The following PRKN variants were observed in gnomAD, a reference collection of about 807,000 sequenced individuals.
PRKN encodes the protein E3 ubiquitin-protein ligase parkin.
A neutral mutation model predicts 59.5 loss-of-function variants in PRKN; 56 were observed. The observed-to-expected ratio is 0.94, with a 90% CI of 0.76 to 1.18. The LOEUF is 1.18. Among genes scored for constraint, PRKN ranks in the 50% most tolerant of loss-of-function variants. The pLI is 0.00. For synonymous variants in PRKN, 250 were observed against 222.1 expected, an observed-to-expected ratio of 1.13 and a Z score of -1.12; for missense variants, 657 against 596.4, an observed-to-expected ratio of 1.10 and a Z score of -1.06.
chr6:161,516,565 C>A (rs1162010988), intron 9 of PRKN, among the ~76,000 whole-genome samples: 3 of 149,606 alleles, frequency 2.0e-5, no homozygotes, highest in African/African-American at 7.4e-5. Flanking sequence ...TGGTGGCTCA[C>A]GCCTGCAATC....
At chr6:162,414,446 A>G (rs1054850908) in intron 2 of PRKN, among the ~76,000 whole-genome samples, 11 of 151,232 alleles carry the variant, frequency 7.3e-5, no homozygotes, top group South Asian at 2.1e-4. Flanking sequence ...GGTGGCTCAC[A>G]CCTGTAATCC....
At chr6:161,734,514 GACCTT>G (rs1787885376) in intron 7 of PRKN, among the ~76,000 whole-genome samples, 1 of 152,148 alleles carries the variant, frequency 6.6e-6, no homozygotes, top group Non-Finnish European at 1.5e-5. Context: ...ATCAGCAGAG[GACCTT>G]GGTACTCAGG....
chr6:161,799,170 C>T (rs979920360), intron 6 of PRKN, among the ~76,000 whole-genome samples: 1 of 152,140 alleles, frequency 6.6e-6, no homozygotes, highest in Admixed American at 6.5e-5. Flanking sequence ...CCTATTTGGC[C>T]CTTATCAGGA....
At chr6:162,724,718 C>T (rs1779059723) in intron 1 of PRKN, among the ~76,000 whole-genome samples, 1 of 152,214 alleles carries the variant, frequency 6.6e-6, no homozygotes, top group Admixed American at 6.5e-5. Context: ...GAGACTCTCT[C>T]AGCACTCCCT....
chr6:162,557,079 C>A (rs889534606), intron 1 of PRKN, among the ~76,000 whole-genome samples: 1 of 152,220 alleles, frequency 6.6e-6, no homozygotes, highest in African/African-American at 2.4e-5. Context: ...ACTCAGGAAA[C>A]CCCGATGTTG....
At chr6:162,701,437 T>C (rs1305545080) in intron 1 of PRKN, among the ~76,000 whole-genome samples, 1 of 151,770 alleles carries the variant, frequency 6.6e-6, no homozygotes, top group Non-Finnish European at 1.5e-5. Context: ...GATGTTTCAA[T>C]AGTTAAAAAG....
intron 7 of PRKN, among the ~76,000 whole-genome samples, chr6:161,577,040 G>C (rs1197578551): frequency 6.6e-6 from 1 of 152,162 alleles, no homozygotes; most frequent in Non-Finnish European, 1.5e-5. Context: ...CAAATTGAAG[G>C]GAAGAGGAAA....
Position 161,951,047 on chromosome 6 carries a change from G to A in PRKN, c.734+22255C>T, listed in dbSNP as rs538716175. Among the ~76,000 whole-genome samples the A allele has an allele frequency of 4.6e-5, 7 of 151,436 alleles. No individual in the cohort carries two copies. In the South Asian group the frequency reaches 1.3e-3, roughly 27 times the overall value. ...TTTACATGTCAAAGAGGAAAGGTAC[G>A]GGTGTTAAGTAATCAGTCTAAAAAA... is the stretch of plus-strand genomic sequence containing the variant. On this transcript the variant is annotated intron_variant, in intron 6 of 11. Coordinates refer to ENST00000366898, the MANE Select transcript of PRKN (RefSeq NM_004562.3).
rs114660673 is a variant in PRKN, at chr6:162,044,008, T to C, written c.618+10083A>G. Among the ~76,000 whole-genome samples the C allele has an allele frequency of 3.2e-3, 486 of 152,296 alleles. 2 individuals are homozygous for C. Among genetic ancestry groups the C allele is most frequent in the African/African-American group, 0.011 (464 of 41,560 alleles). On this transcript the variant is annotated intron_variant, in intron 5 of 11. Transcript: ENST00000366898. ...ACTTCTACCCAGTTCTAAACGAACA[T>C]CTCATTTGTATGTTGTGTTCTGAGT... is the stretch of plus-strand genomic sequence containing the variant.
chr6:162,245,547 T>C (rs946549746), intron 3 of PRKN, among the ~76,000 whole-genome samples: 1 of 152,000 alleles, frequency 6.6e-6, no homozygotes, highest in Non-Finnish European at 1.5e-5. Flanking sequence ...TATTTTACCT[T>C]ACTGGAAATT....
intron 5 of PRKN, among the ~76,000 whole-genome samples, chr6:162,042,281 G>A (rs1257632715): frequency 2.0e-5 from 3 of 151,820 alleles, no homozygotes; most frequent in Admixed American, 6.6e-5. Flanking sequence ...ACTGACTATG[G>A]TTCATGACTG....
At position 161,552,351 on chromosome 6, in the gene PRKN, C is replaced by T. The variant is rs1272481080; in HGVS notation, c.934-3348G>A. Among the ~76,000 whole-genome samples, 535 of 140,470 alleles carry T rather than the reference C, an allele frequency of 3.8e-3. 41 individuals carry two copies. Among genetic ancestry groups the T allele is most frequent in the African/African-American group, 0.015 (519 of 33,732 alleles). The allele number at this position is 140,470 out of a possible 152,430, so 92.2% of individuals were successfully genotyped here. ...CCGCCTATGACTGTGAATGATCTCA[C>T]GGTGATCCTCCAAGCCCCTCTCCCT... is the stretch of plus-strand genomic sequence containing the variant. On this transcript the variant is annotated intron_variant, in intron 8 of 11. Transcript: ENST00000366898. The surrounding 1 kb of genome is among the most constrained non-coding windows in gnomAD (Gnocchi z 4.9).
At chr6:161,472,301 G>A (rs1308127504) in intron 9 of PRKN, among the ~76,000 whole-genome samples, 1 of 152,114 alleles carries the variant, frequency 6.6e-6, no homozygotes, top group Middle Eastern at 3.2e-3. Flanking sequence ...CGTGTTGGGA[G>A]TTTAAGGAAA....
At chr6:162,698,524 G>A (rs1256846543) in intron 1 of PRKN, among the ~76,000 whole-genome samples, 4 of 152,178 alleles carry the variant, frequency 2.6e-5, no homozygotes, top group Non-Finnish European at 5.9e-5. Flanking sequence ...CAAGGATGGT[G>A]GCTTGCAAAG....
At chr6:161,913,893 A>G (rs1428266149) in intron 6 of PRKN, among the ~76,000 whole-genome samples, 1 of 152,130 alleles carries the variant, frequency 6.6e-6, no homozygotes, top group African/African-American at 2.4e-5. Context: ...ACCAGAGCTC[A>G]CTCTCTGTCA....
Position 162,418,847 on chromosome 6 carries a change from G to A in PRKN, c.171+24463C>T, listed in dbSNP as rs1442243219. On this transcript the variant is annotated intron_variant, in intron 2 of 11. Coordinates refer to ENST00000366898, the MANE Select transcript of PRKN (RefSeq NM_004562.3). ...CAGCAGACCACTGCAGCCCCCAAAA[G>A]CCCCTTCTCAGGAGGAGGGGAGGGA... Among the ~76,000 whole-genome samples the A allele has an allele frequency of 3.3e-5, 5 of 151,706 alleles. No individual in the cohort carries two copies. The East Asian group carries it at 9.8e-4, about 30-fold the overall frequency.
chr6:162,179,471 T>A (rs1172572420), intron 4 of PRKN, among the ~76,000 whole-genome samples: 1 of 152,142 alleles, frequency 6.6e-6, no homozygotes, highest in Non-Finnish European at 1.5e-5. Flanking sequence ...TGTTTCCTCA[T>A]TTCCTCTAAC....
chr6:162,499,669 A>C (rs1162149546), intron 1 of PRKN, among the ~76,000 whole-genome samples: 1 of 152,204 alleles, frequency 6.6e-6, no homozygotes, highest in Non-Finnish European at 1.5e-5. Context: ...GCATTAGCTA[A>C]GGTGGTTGTC....
intron 7 of PRKN, among the ~76,000 whole-genome samples, chr6:161,733,786 A>G (rs1787830807): frequency 2.8e-5 from 2 of 71,806 alleles, no homozygotes; most frequent in African/African-American, 8.9e-5. Context: ...AAAAAAAAAT[A>G]TATATATATA....
Sources: gnomAD v4.1 joint callset for allele counts (sites outside exome capture counted in the v4.1 genomes callset) on GRCh38, gnomAD v4.1.1 for gene constraint, Gnocchi (gnomAD v3.1) non-coding constraint, MANE v1.5 for transcripts, NCBI Gene and HGNC (gene_info 2026-07-23, HGNC 2026-07-21) for gene names.